The following NTRK2 variants were observed in gnomAD, a reference collection of about 807,000 sequenced individuals.
NTRK2 encodes the protein neurotrophic receptor tyrosine kinase 2.
In NTRK2, 13 loss-of-function variants were observed where a neutral mutation model predicts 94.5. That is an observed-to-expected ratio of 0.14 (90% CI 0.09 to 0.22). The LOEUF (loss-of-function observed/expected upper bound fraction) is 0.22, where lower values mean the gene tolerates loss of function less well. Ranked by LOEUF, NTRK2 falls within the 10% of genes least tolerant of loss-of-function variation. The pLI is 1.00. For missense variants in NTRK2, 639 were observed against 1,071.2 expected (o/e 0.60, Z 5.63); for synonymous variants, 372 against 407.4 (o/e 0.91, Z 1.05).
At chr9:84,845,696 T>C (rs1440091401) in intron 12 of NTRK2, among the ~76,000 whole-genome samples, 2 of 152,134 alleles carry the variant, frequency 1.3e-5, no homozygotes, top group Non-Finnish European at 2.9e-5. Flanking sequence ...TATATTCTCA[T>C]GTATAAGTGG....
intron 9 of NTRK2, among the ~76,000 whole-genome samples, chr9:84,730,608 CGG>C (rs2062783412): frequency 7.1e-6 from 1 of 140,578 alleles, no homozygotes; most frequent in Non-Finnish European, 1.5e-5. Context: ...GGCGTGGTAG[CGG>C]GCGCCTGTAG....
At chr9:84,786,045 G>A (rs941962629) in intron 12 of NTRK2, among the ~76,000 whole-genome samples, 4 of 152,018 alleles carry the variant, frequency 2.6e-5, no homozygotes, top group Admixed American at 6.6e-5. Context: ...TCCAAAAGTC[G>A]CCCATGCCTT....
At chr9:84,906,263 G>A (rs1265514978) in intron 14 of NTRK2, among the ~76,000 whole-genome samples, 2 of 152,018 alleles carry the variant, frequency 1.3e-5, no homozygotes, top group South Asian at 2.1e-4. Context: ...AAGGAGATGA[G>A]GAAAAAGGGG....
At chr9:84,681,854 C>T (rs1327046907) in intron 2 of NTRK2, among the ~76,000 whole-genome samples, 2 of 152,110 alleles carry the variant, frequency 1.3e-5, no homozygotes, top group Admixed American at 1.3e-4. Flanking sequence ...ACAAAATTGT[C>T]ACTATATTGC....
chr9:84,972,937 C>G (rs1554778539), intron 17 of NTRK2, among the ~76,000 whole-genome samples: 1 of 152,214 alleles, frequency 6.6e-6, no homozygotes, highest in Non-Finnish European at 1.5e-5. Context: ...CCAGAATTAA[C>G]TATGATTTCA....
intron 12 of NTRK2, among the ~76,000 whole-genome samples, chr9:84,820,101 T>C (rs1045687754): frequency 2.0e-5 from 3 of 152,016 alleles, no homozygotes; most frequent in African/African-American, 7.2e-5. Context: ...CATTTGAAAA[T>C]ATGAGTATAA....
chr9:84,857,200 G>A (rs1432899046), intron 12 of NTRK2, among the ~76,000 whole-genome samples: 3 of 151,816 alleles, frequency 2.0e-5, no homozygotes, highest in Non-Finnish European at 4.4e-5. Context: ...CTTCTCTCCG[G>A]TCAGGGAAAA....
chr9:84,785,650 G>A (rs2068045543), intron 12 of NTRK2, among the ~76,000 whole-genome samples: 1 of 152,138 alleles, frequency 6.6e-6, no homozygotes, highest in Non-Finnish European at 1.5e-5. Flanking sequence ...GAAAATATTG[G>A]CCTGTAGAAT....
At chr9:84,757,338 T>C (rs2065173483) in intron 12 of NTRK2, among the ~76,000 whole-genome samples, 1 of 152,236 alleles carries the variant, frequency 6.6e-6, no homozygotes, top group African/African-American at 2.4e-5. Context: ...ATAGGGTGCA[T>C]ATAGTATGTA....
intron 6 of NTRK2, among the ~76,000 whole-genome samples, chr9:84,718,278 CAG>C (rs2131938825): frequency 6.6e-6 from 1 of 152,262 alleles, no homozygotes; most frequent in South Asian, 2.1e-4. Context: ...TTCTGTGGAA[CAG>C]AGAGTTTGCT....
At chr9:84,926,206 CTTTCTTTCTTTCT>C in intron 14 of NTRK2, among the ~76,000 whole-genome samples, 1 of 127,436 alleles carries the variant, frequency 7.8e-6, no homozygotes, top group Non-Finnish European at 1.7e-5. Flanking sequence ...TTCTTTCTTT[CTTTCTTTCTTTCT>C]TTCTTTCTTT....
chr9:84,695,448 A>G (rs189070259), intron 2 of NTRK2, among the ~76,000 whole-genome samples: 77 of 152,290 alleles, frequency 5.1e-4, no homozygotes, highest in African/African-American at 1.6e-3. Flanking sequence ...AGTCAAAAAT[A>G]TTTCTGTGAA....
intron 12 of NTRK2, chr9:84,810,573 T>A (rs759760306): frequency 1.9e-6 from 3 of 1,614,026 alleles, no homozygotes; most frequent in South Asian, 2.2e-5. Context: ...TCCCACTGGA[T>A]GGGTAGCTGA....
chr9:84,894,594 T>C (rs1487137388), intron 14 of NTRK2, among the ~76,000 whole-genome samples: 1 of 152,212 alleles, frequency 6.6e-6, no homozygotes, highest in Non-Finnish European at 1.5e-5. Context: ...AAGGGGCTTC[T>C]TTGAGTTTTA....
At chr9:84,942,122 A>G (rs544795802) in intron 15 of NTRK2, among the ~76,000 whole-genome samples, 5 of 152,300 alleles carry the variant, frequency 3.3e-5, no homozygotes, top group Non-Finnish European at 5.9e-5. Flanking sequence ...AGCAAGCACA[A>G]TCTGAGTGTT....
At chr9:84,921,000 G>A (rs944580712) in intron 14 of NTRK2, among the ~76,000 whole-genome samples, 2 of 152,134 alleles carry the variant, frequency 1.3e-5, no homozygotes, top group African/African-American at 4.8e-5. Context: ...AGATGTAAAT[G>A]GTTCATACTA....
intron 9 of NTRK2, among the ~76,000 whole-genome samples, chr9:84,734,446 AG>A (rs1432935011): frequency 6.6e-6 from 1 of 152,166 alleles, no homozygotes; most frequent in African/African-American, 2.4e-5. Context: ...GCCCAGAAAA[AG>A]GATCTTGAGA....
intron 14 of NTRK2, among the ~76,000 whole-genome samples, chr9:84,898,904 G>T (rs2076843010): frequency 6.6e-6 from 1 of 152,098 alleles, no homozygotes; most frequent in Non-Finnish European, 1.5e-5. Context: ...GTTTCACCAT[G>T]TTGGTCAGGC....
chr9:84,708,129 G>A (rs1288085033), intron 5 of NTRK2, among the ~76,000 whole-genome samples: 1 of 152,088 alleles, frequency 6.6e-6, no homozygotes, highest in Non-Finnish European at 1.5e-5. Flanking sequence ...AATCTCAGTA[G>A]TGACATATCA....
Sources: allele counts gnomAD v4.1 joint callset (sites outside exome capture counted in the v4.1 genomes callset), GRCh38; gene constraint gnomAD v4.1.1; transcripts MANE v1.5; gene names NCBI Gene and HGNC (gene_info 2026-07-23, HGNC 2026-07-21).